Variants in RHOBTB3 observed in about 807,000 individuals in gnomAD.
RHOBTB3 encodes Rho related BTB domain containing 3.
In RHOBTB3, 47 loss-of-function variants were observed where a neutral mutation model predicts 67.2. The observed-to-expected ratio is 0.70, with a 90% confidence interval of 0.55 to 0.89. RHOBTB3 has a LOEUF of 0.89. Among genes scored for constraint, RHOBTB3 ranks in the 40% least tolerant of loss-of-function variants. RHOBTB3 has a pLI of 0.00. For missense variants in RHOBTB3, 631 were observed against 750.0 expected (o/e 0.84, Z 1.85); for synonymous variants, 273 against 274.2 (o/e 1.00, Z 0.04).
rs1746553804 is a variant in RHOBTB3 at position 95,796,116 on chromosome 5, A to G, written c.*2942A>G. ...AACAGAAGTCTGAACAATTGGATAA[A>G]TTTGACTTCCAAGACAGCTAAACTT... On this transcript the variant is annotated 3_prime_UTR_variant, in exon 12 of 12. Transcript: ENST00000379982. The G allele has an allele frequency of 6.6e-6, 1 of 152,252 alleles. No individual in the cohort carries two copies. Among genetic ancestry groups the G allele is most frequent in the East Asian group, 1.9e-4 (1 of 5,206 alleles). The allele number at this position is 152,252 out of a possible 1,614,324, so 9.4% of individuals were successfully genotyped here. A position where few individuals can be genotyped will look rare whatever the true frequency, so the allele number is the denominator to read the frequency against.
At chr5:95,731,162 T>G (rs1220969113), upstream of RHOBTB3, 9 of 1,011,376 alleles carry the variant, frequency 8.9e-6, no homozygotes, top group Non-Finnish European at 1.1e-5. Context: ...GGCGGCTCCT[T>G]TGTGTCCAGC....
Position 95,731,593 on chromosome 5 carries a change from A to G in RHOBTB3, c.-90A>G. On this transcript the variant is annotated 5_prime_UTR_variant, in exon 1 of 12. Coordinates refer to ENST00000379982, the MANE Select transcript of RHOBTB3 (RefSeq NM_014899.4). ...GGGGGACGCGGCCGGGGATGAGCGG[A>G]TTGCGGGTGAACTCGCCGCCCGGGG... 6.3e-7 allele frequency: 1 copy of G among 1,583,338 alleles called. No homozygotes were observed. Among genetic ancestry groups the G allele is most frequent in the Non-Finnish European group, 8.6e-7 (1 of 1,165,334 alleles).
intron 3 of RHOBTB3, 43 bp downstream of exon 3, chr5:95,737,118 T>G: frequency 1.6e-6 from 2 of 1,252,700 alleles, no homozygotes; most frequent in Non-Finnish European, 2.3e-6. Flanking sequence ...ATGCAAATAT[T>G]ATATATACTT....
chr5:95,770,014 AG>A, intron 8 of RHOBTB3: 1 of 400,988 alleles, frequency 2.5e-6, no homozygotes. Flanking sequence ...TGTTTGGAGA[AG>A]GGGGTAGGCC....
rs1285111995 is a variant in RHOBTB3 at position 95,763,628 on chromosome 5, G to T, written c.1161+8G>T. ...TTAAAAACACCAGGAAAGGTAAGTT[G>T]ATTTGTTGTAAGTTAGTTTACTTTG... On this transcript the variant is annotated splice_region_variant and intron_variant, in intron 7 of 11. Transcript: ENST00000379982. 2 of 1,503,226 alleles carry T rather than the reference G, an allele frequency of 1.3e-6. No individual in the cohort carries two copies. Among genetic ancestry groups the T allele is most frequent in the Admixed American group, 1.7e-5 (1 of 59,680 alleles). The allele number at this position is 1,503,226 out of a possible 1,614,324, so 93.1% of individuals were successfully genotyped here.
chr5:95,791,713 C>CT lies in RHOBTB3; in HGVS notation c.1721-1334dup, dbSNP rs1222874409. On this transcript the variant is annotated intron_variant, in intron 11 of 11. Coordinates refer to ENST00000379982, the MANE Select transcript of RHOBTB3 (RefSeq NM_014899.4). ...ACCCAGCTAATTTTTCTTTTCTTTT[C>CT]TTTTTTTTTTTTAGTAGAGACGGGG... Among the ~76,000 whole-genome samples the CT allele has an allele frequency of 9.3e-3, 1,351 of 144,834 alleles. 13 individuals are homozygous for CT. Among genetic ancestry groups the CT allele is most frequent in the African/African-American group, 0.03 (1,198 of 39,724 alleles).
intron 4 of RHOBTB3, among the ~76,000 whole-genome samples, chr5:95,749,561 G>A (rs1281528316): frequency 6.6e-6 from 1 of 152,178 alleles, no homozygotes; most frequent in Non-Finnish European, 1.5e-5. Flanking sequence ...TTCATTTATA[G>A]TGATGAGCAG....
intron 10 of RHOBTB3, among the ~76,000 whole-genome samples, chr5:95,784,199 TAACTA>T (rs1021163873): frequency 6.6e-5 from 10 of 152,216 alleles, no homozygotes; most frequent in African/African-American, 2.4e-4. Flanking sequence ...GGAATTTTTT[TAACTA>T]AATAGTGGCC....
chr5:95,757,410 T>C (rs533940090), intron 6 of RHOBTB3, among the ~76,000 whole-genome samples: 62 of 152,352 alleles, frequency 4.1e-4, no homozygotes, highest in Non-Finnish European at 5.9e-5. Context: ...TCACTCCTGC[T>C]CTGCAGTGTG....
intron 2 of RHOBTB3, among the ~76,000 whole-genome samples, chr5:95,734,603 T>C (rs1347031377): frequency 6.6e-6 from 1 of 152,330 alleles, no homozygotes; most frequent in Non-Finnish European, 1.5e-5. Context: ...GCAGATTCAT[T>C]AGATGTAGCA....
At chr5:95,747,631 A>G (rs1401391366) in intron 3 of RHOBTB3, among the ~76,000 whole-genome samples, 4 of 152,256 alleles carry the variant, frequency 2.6e-5, no homozygotes, top group Admixed American at 2.0e-4. Flanking sequence ...CCATAGATGT[A>G]TACATGGTAC....
chr5:95,755,388 C>A lies in RHOBTB3; in HGVS notation c.683-8C>A. 1 of 1,488,736 alleles carries A rather than the reference C, an allele frequency of 6.7e-7. No individual in the cohort carries two copies. 92.2% of individuals were successfully genotyped at this position (1,488,736 alleles called of 1,614,324 possible). A position where few individuals can be genotyped will look rare whatever the true frequency, so the allele number is the denominator to read the frequency against. On this transcript the variant is annotated splice_polypyrimidine_tract_variant and splice_region_variant and intron_variant, in intron 5 of 11. Coordinates refer to ENST00000379982, the MANE Select transcript of RHOBTB3 (RefSeq NM_014899.4). ...AGTTTATTATTTTTATTTTCTTTTT[C>A]AAAACAGAAAAAATGCCTGTCTTAA...
At chr5:95,779,253 C>T (rs912755915) in intron 8 of RHOBTB3, among the ~76,000 whole-genome samples, 1 of 152,218 alleles carries the variant, frequency 6.6e-6, no homozygotes, top group African/African-American at 2.4e-5. Context: ...TTGTCACTCA[C>T]ACTGGCTGTG....
At chr5:95,769,353 G>A (rs1745639763) in intron 8 of RHOBTB3, 6 of 464,304 alleles carry the variant, frequency 1.3e-5, no homozygotes, top group Non-Finnish European at 1.7e-5. Flanking sequence ...CACTGCTACT[G>A]TACTTGCACT....
chr5:95,769,288 A>G (rs779590559), intron 8 of RHOBTB3: 4 of 448,616 alleles, frequency 8.9e-6, no homozygotes, highest in Admixed American at 4.6e-5. Context: ...GCTTGTTGCC[A>G]GTAACACTAA....
At chr5:95,735,135 A>G (rs1180219300) in intron 2 of RHOBTB3, among the ~76,000 whole-genome samples, 3 of 152,124 alleles carry the variant, frequency 2.0e-5, no homozygotes, top group Non-Finnish European at 4.4e-5. Context: ...GGGATTTGGC[A>G]GTTTGAGAGT....
chr5:95,731,774 G>A (rs892566172), intron 1 of RHOBTB3, 85 bp from the exon 2 acceptor site: 2 of 1,603,340 alleles, frequency 1.2e-6, no homozygotes, highest in African/African-American at 2.7e-5. Context: ...CTCGCCGCGC[G>A]CTGTCCCCCG....
intron 4 of RHOBTB3, among the ~76,000 whole-genome samples, chr5:95,750,420 G>T (rs887919569): frequency 6.6e-6 from 1 of 152,142 alleles, no homozygotes; most frequent in Non-Finnish European, 1.5e-5. Flanking sequence ...GCTACATGTG[G>T]CTATTTATAT....
intron 4 of RHOBTB3, among the ~76,000 whole-genome samples, chr5:95,750,997 C>A (rs1745073579): frequency 6.6e-6 from 1 of 152,178 alleles, no homozygotes; most frequent in African/African-American, 2.4e-5. Flanking sequence ...TATAGAATAT[C>A]TTTTATATAA....
Sources: allele counts gnomAD v4.1 joint callset (sites outside exome capture counted in the v4.1 genomes callset), GRCh38; gene constraint gnomAD v4.1.1; transcripts MANE v1.5; gene names NCBI Gene and HGNC (gene_info 2026-07-23, HGNC 2026-07-21).